MYO5B: variants seen among roughly 807,000 people sequenced by gnomAD.
MYO5B encodes the protein unconventional myosin-Vb.
Under a neutral mutation model 229.3 loss-of-function variants are expected in MYO5B, and 143 were observed. The observed-to-expected ratio is 0.62, with a 90% CI of 0.54 to 0.72. The LOEUF is 0.72. Among genes scored for constraint, MYO5B ranks in the 30% least tolerant of loss-of-function variants. The probability of loss-of-function intolerance (pLI) is 0.00; values close to 1 mark genes in which losing one functional copy is unlikely to be tolerated. For synonymous variants in MYO5B, 918 were observed against 885.2 expected, an observed-to-expected ratio of 1.04 and a Z score of -0.66; for missense variants, 2,321 against 2,331.0, an observed-to-expected ratio of 1.00 and a Z score of 0.09.
chr18:49,984,582 C>T, intron 8 of MYO5B, 136 bp downstream of exon 8: 1 of 731,862 alleles, frequency 1.4e-6, no homozygotes, highest in Non-Finnish European at 2.5e-6. Flanking sequence ...TAAGAGATGA[C>T]ATTCACCAGG....
chr18:50,105,889 A>T (rs1184576807), intron 1 of MYO5B, among the ~76,000 whole-genome samples: 1 of 152,088 alleles, frequency 6.6e-6, no homozygotes, highest in Non-Finnish European at 1.5e-5. Flanking sequence ...TGGCACAAAA[A>T]CAGAGCTCTT....
intron 29 of MYO5B, among the ~76,000 whole-genome samples, chr18:49,860,855 G>A (rs550444555): frequency 2.0e-5 from 3 of 152,326 alleles, no homozygotes; most frequent in East Asian, 1.9e-4. Context: ...TGTAGGAAAC[G>A]CAGAGCAGCT....
Position 49,974,595 on chromosome 18 carries a change from G to T in MYO5B, c.1077C>A (p.Ser359Arg), listed in dbSNP as rs755460184. Residue 359 changes from serine to arginine, a missense_variant, in exon 10 of 40, where the codon AGC becomes AGA. Ser to Arg is a moderately radical substitution (Grantham distance 110). Transcript: ENST00000285039. Reference sequence around the variant, plus strand: ...CCACCCCTAGCAGTCGGCAGAAGTTGCTTAGGTATACATCCTGGGGCTGTG... The same window carrying T: ...CCACCCCTAGCAGTCGGCAGAAGTTTCTTAGGTATACATCCTGGGGCTGTG... ...CSISPQDVYL[S>R]NFCRLLGVEH... is the part of the protein sequence containing the mutation. The T allele has an allele frequency of 2.5e-6, 4 of 1,613,896 alleles. No individual in the cohort carries two copies. The highest frequency in any genetic ancestry group is 3.4e-6 in the Non-Finnish European group (4 of 1,179,972).
intron 10 of MYO5B, among the ~76,000 whole-genome samples, chr18:49,965,477 A>ACACACACG (rs2025613980): frequency 2.0e-5 from 3 of 151,656 alleles, no homozygotes; most frequent in African/African-American, 7.3e-5. Flanking sequence ...ACACACACAC[A>ACACACACG]CACACACCTC....
At chr18:50,180,630 C>T (rs569356557) in intron 1 of MYO5B, among the ~76,000 whole-genome samples, 15 of 152,304 alleles carry the variant, frequency 9.8e-5, no homozygotes, top group East Asian at 3.9e-4. Context: ...GTACAACCCT[C>T]GCAACCACCC....
intron 1 of MYO5B, among the ~76,000 whole-genome samples, chr18:50,087,738 T>G (rs1398811575): frequency 6.6e-6 from 1 of 152,140 alleles, no homozygotes; most frequent in Admixed American, 6.5e-5. Context: ...TAGGGCTGTG[T>G]CATGAAGCCC....
chr18:50,107,072 A>G lies in MYO5B; in HGVS notation c.28-51694T>C, dbSNP rs573615571. Among the ~76,000 whole-genome samples the G allele has an allele frequency of 1.6e-3, 202 of 123,796 alleles. 1 individual carries two copies. The Middle Eastern group carries it at 0.023, about 14-fold the overall frequency. The allele number at this position is 123,796 out of a possible 152,430, so 81.2% of individuals were successfully genotyped here. On this transcript the variant is annotated intron_variant, in intron 1 of 39. Coordinates refer to ENST00000285039, the MANE Select transcript of MYO5B (RefSeq NM_001080467.3). The stretch of plus-strand genomic sequence containing the variant: ...ATCATGGGCTAGACAGAGCTTGGAG[A>G]TTGCCTGGTCCAGGGTTTCCTAATG...
intron 1 of MYO5B, among the ~76,000 whole-genome samples, chr18:50,189,129 T>C (rs546185499): frequency 3.9e-5 from 6 of 152,246 alleles, no homozygotes; most frequent in Admixed American, 1.3e-4. Flanking sequence ...CCTGGGACCA[T>C]AGAGGGGCCA....
chr18:50,138,088 T>A (rs2032362402), intron 1 of MYO5B, among the ~76,000 whole-genome samples: 1 of 152,134 alleles, frequency 6.6e-6, no homozygotes, highest in Admixed American at 6.6e-5. Context: ...TGACACAAGT[T>A]TACCTTCACA....
chr18:50,040,371 T>A, intron 2 of MYO5B, 57 bp from the exon 3 acceptor site: 1 of 1,466,666 alleles, frequency 6.8e-7, no homozygotes, highest in South Asian at 1.1e-5. Flanking sequence ...TAAGTCTGTA[T>A]TCAATGTCCT....
chr18:50,038,521 C>G (rs2029905333), intron 3 of MYO5B, among the ~76,000 whole-genome samples: 1 of 152,236 alleles, frequency 6.6e-6, no homozygotes, highest in South Asian at 2.1e-4. Context: ...TAGGAACAGC[C>G]TCACATGTTC....
intron 1 of MYO5B, among the ~76,000 whole-genome samples, chr18:50,166,957 A>G (rs1464932456): frequency 6.6e-6 from 1 of 152,210 alleles, no homozygotes; most frequent in African/African-American, 2.4e-5. Context: ...GAATGCACAT[A>G]CTGAATCAAT....
chr18:49,986,862 C>A (rs2025875736), intron 7 of MYO5B, among the ~76,000 whole-genome samples: 1 of 152,162 alleles, frequency 6.6e-6, no homozygotes, highest in Non-Finnish European at 1.5e-5. Flanking sequence ...CAGGGTCACC[C>A]AGGGTTTGGT....
chr18:49,994,790 T>A (rs10853589), intron 5 of MYO5B, among the ~76,000 whole-genome samples: 1 of 152,198 alleles, frequency 6.6e-6, no homozygotes, highest in African/African-American at 2.4e-5. Context: ...CCCCACAGGA[T>A]GATGGCAGAC....
chr18:49,835,590 G>T lies in MYO5B; in HGVS notation c.5314-166C>A, dbSNP rs9955148. ...ATTTACACTTGGAGCCTGCATCCAG[G>T]AAACTAGAGCCCACAGCTTTGTCAG... is the stretch of plus-strand genomic sequence containing the variant. On this transcript the variant is annotated intron_variant, in intron 38 of 39. Coordinates refer to ENST00000285039, the MANE Select transcript of MYO5B (RefSeq NM_001080467.3). Among the ~76,000 whole-genome samples, 14,346 of 152,212 alleles carry T rather than the reference G, an allele frequency of 0.094. 1,123 individuals carry two copies. The highest frequency in any genetic ancestry group is 0.29 in the East Asian group (1,506 of 5,166).
chr18:49,878,987 C>CT lies in MYO5B; in HGVS notation c.3233dup (p.Gln1079AlafsTer9). The stretch of plus-strand genomic sequence containing the variant: ...CATCCCGAAGGTTGTCGTATCTCTG[C>CT]TCCAACTGTGAATATTCCTTCACAA... On this transcript the variant is annotated frameshift_variant, in exon 24 of 40. Transcript: ENST00000285039. LOFTEE classifies it high-confidence loss of function. 6.2e-7 allele frequency: 1 copy of CT among 1,614,176 alleles called. No individual in the cohort carries two copies.
In MYO5B at chr18:49,864,418, G is replaced by A. The variant is rs998633475; in HGVS notation, c.3604-38C>T. On this transcript the variant is annotated intron_variant, in intron 27 of 39. Transcript: ENST00000285039. Reference sequence around the variant, plus strand: ...CCAAGGGCCGCTGCCATTACTCCCTGCCCTAGGGCTCTCTCCCTGTGTGGG... The same window carrying A: ...CCAAGGGCCGCTGCCATTACTCCCTACCCTAGGGCTCTCTCCCTGTGTGGG... The A allele has an allele frequency of 1.9e-6, 3 of 1,608,186 alleles. No homozygotes were observed. In the Admixed American group the frequency reaches 5.0e-5, roughly 27 times the overall value.
intron 19 of MYO5B, among the ~76,000 whole-genome samples, chr18:49,906,181 T>C (rs1214836852): frequency 1.3e-5 from 2 of 151,996 alleles, no homozygotes; most frequent in Non-Finnish European, 2.9e-5. Flanking sequence ...CTAATGCTGG[T>C]AGGATGGAGG....
rs140815367 is a variant in MYO5B, at chr18:49,946,883, A to T, written c.1752+6377T>A. 2.8e-3 allele frequency among the ~76,000 whole-genome samples: 431 copies of T among 152,288 alleles called. 1 individual carries two copies. Among genetic ancestry groups the T allele is most frequent in the Admixed American group, 4.6e-3 (70 of 15,302 alleles). On this transcript the variant is annotated intron_variant, in intron 14 of 39. Coordinates refer to ENST00000285039, the MANE Select transcript of MYO5B (RefSeq NM_001080467.3). ...ATTTGTTTTATAAACTCAAATGAAC[A>T]TAAGAGATCTAGTTTGATGACAGGA...
Sources: allele counts gnomAD v4.1 joint callset (sites outside exome capture counted in the v4.1 genomes callset), GRCh38; gene constraint gnomAD v4.1.1; transcripts MANE v1.5; gene names NCBI Gene and HGNC (gene_info 2026-07-23, HGNC 2026-07-21).